FER: variants seen among roughly 807,000 people sequenced by gnomAD.
FER encodes tyrosine-protein kinase Fer.
Under a neutral mutation model 111.0 loss-of-function variants are expected in FER, and 63 were observed. The observed-to-expected ratio is 0.57, with a 90% confidence interval of 0.46 to 0.70. FER has a LOEUF of 0.70. FER is among the 30% of genes least tolerant of loss of function. FER has a pLI of 0.00. For missense variants in FER, 914 were observed against 954.0 expected, an observed-to-expected ratio of 0.96 and a Z score of 0.55; for synonymous variants, 327 against 313.9, an observed-to-expected ratio of 1.04 and a Z score of -0.44.
intron 16 of FER, among the ~76,000 whole-genome samples, chr5:109,096,040 T>C (rs2150055094): frequency 6.6e-6 from 1 of 152,218 alleles, no homozygotes. Flanking sequence ...CCTGATGATC[T>C]CTTCTCTCCA....
rs554514806 is a variant in FER at position 109,117,194 on chromosome 5, C to T, written c.2048+16675C>T. Among the ~76,000 whole-genome samples, 31 of 152,148 alleles carry T rather than the reference C, an allele frequency of 2.0e-4. 1 individual carries two copies. Among genetic ancestry groups the T allele is most frequent in the African/African-American group, 7.5e-4 (31 of 41,532 alleles). ...CAGGAATACATTCTAGAATGGCAAA[C>T]CAGAAAGATTTAATTATCTTTACCA... On this transcript the variant is annotated intron_variant, in intron 17 of 19. Coordinates refer to ENST00000281092, the MANE Select transcript of FER (RefSeq NM_005246.4).
chr5:108,820,692 A>C (rs1050497296), intron 3 of FER, among the ~76,000 whole-genome samples: 2 of 152,204 alleles, frequency 1.3e-5, no homozygotes, highest in African/African-American at 4.8e-5. Flanking sequence ...CAGTCATTAG[A>C]AACCAATTAT....
intron 17 of FER, among the ~76,000 whole-genome samples, chr5:109,164,095 A>G (rs1756288821): frequency 6.6e-6 from 1 of 152,190 alleles, no homozygotes; most frequent in African/African-American, 2.4e-5. Context: ...ATAGCTGGAA[A>G]GTCCTAGTGG....
At chr5:109,023,314 A>G (rs1451013585) in intron 13 of FER, among the ~76,000 whole-genome samples, 1 of 152,158 alleles carries the variant, frequency 6.6e-6, no homozygotes, top group Non-Finnish European at 1.5e-5. Context: ...AGAGAATGCT[A>G]TGAGAGAAAC....
At chr5:108,923,965 G>A (rs1753382866) in intron 10 of FER, among the ~76,000 whole-genome samples, 1 of 152,090 alleles carries the variant, frequency 6.6e-6, no homozygotes, top group Non-Finnish European at 1.5e-5. Flanking sequence ...GCTTGAAAGT[G>A]AGGTATATTC....
intron 5 of FER, among the ~76,000 whole-genome samples, chr5:108,841,061 A>T (rs1004408299): frequency 9.9e-5 from 15 of 152,216 alleles, no homozygotes; most frequent in Admixed American, 7.8e-4. Context: ...CAATGTAAAG[A>T]GGGAATAAAA....
chr5:108,774,968 A>T (rs1404893727), intron 2 of FER, among the ~76,000 whole-genome samples: 1 of 152,158 alleles, frequency 6.6e-6, no homozygotes, highest in Non-Finnish European at 1.5e-5. Flanking sequence ...GTCTTTGCTC[A>T]TGCCTATGTC....
chr5:108,995,052 G>A lies in FER; in HGVS notation c.1656+35705G>A, dbSNP rs1763812055. On this transcript the variant is annotated intron_variant, in intron 13 of 19. Transcript: ENST00000281092. ...TTCTAGATGTAGGATCTCGTCATCT[G>A]CAAACAGAGGTAGTTTGACTTCCTC... is the stretch of plus-strand genomic sequence containing the variant. Among the ~76,000 whole-genome samples the A allele has an allele frequency of 2.0e-5, 3 of 152,110 alleles. No individual in the cohort carries two copies. The South Asian group carries it at 6.2e-4, about 32-fold the overall frequency.
intron 17 of FER, among the ~76,000 whole-genome samples, chr5:109,121,313 A>C (rs1750941325): frequency 5.9e-5 from 9 of 152,156 alleles, no homozygotes; most frequent in Admixed American, 5.2e-4. Context: ...AAACATGTTG[A>C]ATTTTGTCAA....
In FER at chr5:108,993,152, G is replaced by T. The variant is rs532865405; in HGVS notation, c.1656+33805G>T. Among the ~76,000 whole-genome samples, 41 of 152,260 alleles carry T rather than the reference G, an allele frequency of 2.7e-4. No individual in the cohort carries two copies. In the South Asian group the frequency reaches 8.1e-3, roughly 30 times the overall value. ...CAGACGGGGTGGCGGCCGGGCAGAG[G>T]CTGCAATCTCAGCACTTTGGGAGGC... On this transcript the variant is annotated intron_variant, in intron 13 of 19. Coordinates refer to ENST00000281092, the MANE Select transcript of FER (RefSeq NM_005246.4).
intron 17 of FER, among the ~76,000 whole-genome samples, chr5:109,178,937 CAT>C (rs1450704169): frequency 6.6e-6 from 1 of 152,098 alleles, no homozygotes; most frequent in Non-Finnish European, 1.5e-5. Flanking sequence ...TTAATATTCA[CAT>C]GATTTTTTTC....
intron 13 of FER, among the ~76,000 whole-genome samples, chr5:109,027,197 A>G (rs1432131199): frequency 6.6e-6 from 1 of 152,064 alleles, no homozygotes; most frequent in Non-Finnish European, 1.5e-5. Context: ...GGGCTGGACA[A>G]AGCTTGTATT....
At chr5:108,846,834 C>T (rs1164500015) in intron 5 of FER, among the ~76,000 whole-genome samples, 1 of 152,078 alleles carries the variant, frequency 6.6e-6, no homozygotes, top group Non-Finnish European at 1.5e-5. Flanking sequence ...CTTCCCGCCT[C>T]GGCCTCCCCA....
chr5:108,987,634 A>G (rs1231084042), intron 13 of FER, among the ~76,000 whole-genome samples: 1 of 152,116 alleles, frequency 6.6e-6, no homozygotes, highest in Admixed American at 6.6e-5. Context: ...ATTTGTGTAC[A>G]TTAATTTTGT....
In FER at chr5:108,893,464, G is replaced by A. The variant is rs533037500; in HGVS notation, c.1047-4195G>A. Among the ~76,000 whole-genome samples, 11 of 150,676 alleles carry A rather than the reference G, an allele frequency of 7.3e-5. No homozygotes were observed. In the East Asian group the frequency reaches 9.8e-4, roughly 13 times the overall value. On this transcript the variant is annotated intron_variant, in intron 9 of 19. Coordinates refer to ENST00000281092, the MANE Select transcript of FER (RefSeq NM_005246.4). Reference sequence around the variant, plus strand: ...TTTGAGATTTTACATTTAAATCTACGTTAACTCTTTTCTGCAGAGTCAGTA... The same window carrying A: ...TTTGAGATTTTACATTTAAATCTACATTAACTCTTTTCTGCAGAGTCAGTA...
At chr5:108,971,732 T>G (rs1201814038) in intron 13 of FER, among the ~76,000 whole-genome samples, 1 of 152,134 alleles carries the variant, frequency 6.6e-6, no homozygotes, top group Non-Finnish European at 1.5e-5. Flanking sequence ...CTGAATAGAA[T>G]AGTAAAATTC....
At chr5:108,833,873 CAA>C (rs59216791) in intron 4 of FER, among the ~76,000 whole-genome samples, 14 of 103,326 alleles carry the variant, frequency 1.4e-4, no homozygotes, top group Non-Finnish European at 1.4e-4. Context: ...GACTCCGTCT[CAA>C]AAAAAAAAAA....
At chr5:108,859,771 G>T (rs923657535) in intron 5 of FER, among the ~76,000 whole-genome samples, 3 of 151,812 alleles carry the variant, frequency 2.0e-5, no homozygotes, top group African/African-American at 7.3e-5. Context: ...GCTCTTTAAA[G>T]GTGTTTTATA....
intron 16 of FER, among the ~76,000 whole-genome samples, chr5:109,086,555 A>G (rs561343842): frequency 1.3e-4 from 19 of 151,142 alleles, no homozygotes; most frequent in African/African-American, 4.1e-4. Context: ...CCTTCTTCCT[A>G]CTTTCGTTTA....
Sources: allele counts gnomAD v4.1 joint callset (sites outside exome capture counted in the v4.1 genomes callset), GRCh38; gene constraint gnomAD v4.1.1; transcripts MANE v1.5; gene names NCBI Gene and HGNC (gene_info 2026-07-23, HGNC 2026-07-21).